The following PARP4 variants were observed in gnomAD, a reference collection of about 807,000 sequenced individuals.
PARP4 encodes protein mono-ADP-ribosyltransferase PARP4.
A neutral mutation model predicts 187.7 loss-of-function variants in PARP4; 120 were observed. The observed-to-expected ratio is 0.64, with a 90% CI of 0.55 to 0.74. PARP4 has a LOEUF of 0.74. PARP4 is among the 30% of genes least tolerant of loss of function. The pLI is 0.00. For synonymous variants in PARP4, 654 were observed against 740.9 expected (o/e 0.88, Z 1.90); for missense variants, 1,836 against 2,070.5 (o/e 0.89, Z 2.20).
At chr13:24,504,991 G>T (rs908824142) in intron 1 of PARP4, among the ~76,000 whole-genome samples, 1 of 146,408 alleles carries the variant, frequency 6.8e-6, no homozygotes, top group Non-Finnish European at 1.5e-5. Context: ...CACCGCACCT[G>T]GCACACCCCC....
At chr13:24,471,439 A>G (rs1267688861) in intron 15 of PARP4, among the ~76,000 whole-genome samples, 2 of 152,216 alleles carry the variant, frequency 1.3e-5, no homozygotes, top group Admixed American at 6.5e-5. Context: ...AACGACAATA[A>G]AAGTATTTTT....
intron 1 of PARP4, among the ~76,000 whole-genome samples, chr13:24,510,577 C>G (rs1287207096): frequency 7.8e-6 from 1 of 127,482 alleles, no homozygotes; most frequent in Non-Finnish European, 1.7e-5. Context: ...AAAAAGTGTT[C>G]ACTATTAGAA....
intron 17 of PARP4, among the ~76,000 whole-genome samples, chr13:24,460,962 C>T (rs924217008): frequency 3.9e-5 from 6 of 152,182 alleles, no homozygotes; most frequent in African/African-American, 7.2e-5. Flanking sequence ...CTACCACACC[C>T]AGCCTATCAT....
At chr13:24,479,149 A>G (rs1275206574) in intron 12 of PARP4, among the ~76,000 whole-genome samples, 2 of 152,204 alleles carry the variant, frequency 1.3e-5, no homozygotes, top group Admixed American at 1.3e-4. Context: ...AGGAGCACAG[A>G]CTAGGACACA....
rs575450726 is a variant in PARP4 at position 24,441,822 on chromosome 13, A to G, written c.3666+24T>C. ...ATGAAAAAACGAAAGCTCAATATCA[A>G]CTTATTCGGTAATCAGCATTTACCT... On this transcript the variant is annotated intron_variant, in intron 30 of 33. Coordinates refer to ENST00000381989, the MANE Select transcript of PARP4 (RefSeq NM_006437.4). 3.3e-5 allele frequency: 51 copies of G among 1,559,382 alleles called. 1 individual carries two copies. In the East Asian group the frequency reaches 1.1e-3, roughly 35 times the overall value.
chr13:24,508,184 C>CAA lies in PARP4; in HGVS notation c.-1-4409_-1-4408dup, dbSNP rs67281877. On this transcript the variant is annotated intron_variant, in intron 1 of 33. Coordinates refer to ENST00000381989, the MANE Select transcript of PARP4 (RefSeq NM_006437.4). ...ATCTCTGACAATTAAAAACAACACA[C>CAA]AAAAAAAAACACTAAAAGCCTTTAA... Among the ~76,000 whole-genome samples, 487 of 151,180 alleles carry CAA rather than the reference C, an allele frequency of 3.2e-3. 2 individuals carry two copies. The highest frequency in any genetic ancestry group is 0.011 in the African/African-American group (447 of 41,170).
Position 24,490,715 on chromosome 13 carries a change from A to G in PARP4, c.1167T>C (p.Thr389=), listed in dbSNP as rs781172797. The G allele has an allele frequency of 1.1e-5, 18 of 1,613,878 alleles. No individual in the cohort carries two copies. The highest frequency in any genetic ancestry group is 1.3e-5 in the African/African-American group (1 of 74,928). ...CTTTTCTAACCCTGAGAAATTCTTC[A>G]GTATTCTGTTCAACATGCTCAATTT... ...RCKIEHVEQN[T]EEFLRVRKEV... Residue 389 remains threonine, a synonymous_variant, in exon 10 of 34, where the codon ACT becomes ACC. Transcript: ENST00000381989.
chr13:24,471,357 C>T (rs546040112), intron 15 of PARP4, among the ~76,000 whole-genome samples: 4 of 152,286 alleles, frequency 2.6e-5, no homozygotes, highest in African/African-American at 4.8e-5. Flanking sequence ...GACATCAGGC[C>T]TGTGGCAGCT....
chr13:24,494,832 T>C (rs2076434018), intron 6 of PARP4, 110 bp from the exon 7 acceptor site: 2 of 681,046 alleles, frequency 2.9e-6, no homozygotes, highest in South Asian at 4.7e-5. Flanking sequence ...GAAATTAGTT[T>C]TTTTCAAAGA....
chr13:24,501,096 T>G (rs975272312), intron 3 of PARP4, among the ~76,000 whole-genome samples: 4 of 152,230 alleles, frequency 2.6e-5, no homozygotes, highest in African/African-American at 9.7e-5. Flanking sequence ...GTACGGTATC[T>G]AACACATACC....
chr13:24,497,094 G>A (rs967182914), intron 6 of PARP4, among the ~76,000 whole-genome samples: 60 of 152,176 alleles, frequency 3.9e-4, no homozygotes, highest in Admixed American at 3.6e-3. Context: ...CCTGGTGGGT[G>A]TTGCAGCATT....
At chr13:24,502,513 C>A (rs1869357988) in intron 2 of PARP4, among the ~76,000 whole-genome samples, 1 of 152,254 alleles carries the variant, frequency 6.6e-6, no homozygotes, top group Non-Finnish European at 1.5e-5. Context: ...AGATACATGG[C>A]AGCGTGCTCC....
intron 12 of PARP4, among the ~76,000 whole-genome samples, 197 bp from the exon 13 acceptor site, chr13:24,478,473 T>C (rs1016014191): frequency 6.6e-5 from 10 of 152,202 alleles, no homozygotes; most frequent in Admixed American, 4.6e-4. Context: ...TTTTGCTCTG[T>C]TACTCAGGCT....
In PARP4 at chr13:24,458,109, A is replaced by ATTT. The variant is rs1209906906; in HGVS notation, c.2424+932_2424+934dup. ...AACATGGTGAGACCCTGTCTCTACA[A>ATTT]TTTTTTTTTTTTTTTTTTGAGATGG... On this transcript the variant is annotated intron_variant, in intron 20 of 33. Transcript: ENST00000381989. Among the ~76,000 whole-genome samples, 11 of 139,320 alleles carry ATTT rather than the reference A, an allele frequency of 7.9e-5. No homozygotes were observed. In the South Asian group the frequency reaches 9.1e-4, roughly 12 times the overall value. The allele number at this position is 139,320 out of a possible 152,430, so 91.4% of individuals were successfully genotyped here. A position where few individuals can be genotyped will look rare whatever the true frequency, so the allele number is the denominator to read the frequency against.
Position 24,421,174 on chromosome 13 carries a change from T to C in PARP4, c.5120A>G (p.Gln1707Arg). Reference sequence around the variant, plus strand: ...AAGAGGGGACACAGTGCTTATGGGCTGGAGTCCCAGCAACTGCTTGGTGGC... The same window carrying C: ...AAGAGGGGACACAGTGCTTATGGGCCGGAGTCCCAGCAACTGCTTGGTGGC... The part of the protein sequence containing the change: ...DSATKQLLGL[Q>R]PISTVSPLHR... The change falls in exon 34 of 34, where the codon CAG becomes CGG. Residue 1707 changes from glutamine to arginine, a missense_variant. Coordinates refer to ENST00000381989, the MANE Select transcript of PARP4 (RefSeq NM_006437.4). 2 of 1,478,438 alleles carry C rather than the reference T, an allele frequency of 1.4e-6. No homozygotes were observed. The highest frequency in any genetic ancestry group is 1.8e-6 in the Non-Finnish European group (2 of 1,108,164). The allele number at this position is 1,478,438 out of a possible 1,614,324, so 91.6% of individuals were successfully genotyped here.
At position 24,469,978 on chromosome 13, in the gene PARP4, C is replaced by T; in HGVS notation, c.1962G>A (p.Glu654=). 1.9e-6 allele frequency: 3 copies of T among 1,613,784 alleles called. No individual in the cohort carries two copies. The highest frequency in any genetic ancestry group is 2.5e-6 in the Non-Finnish European group (3 of 1,179,774). The change falls in exon 16 of 34, where the codon GAG becomes GAA. Residue 654 remains glutamate (E), a synonymous_variant. Transcript: ENST00000381989. ...TYTNKSHVPI[E]AKYIFPLDDK... ...CATCCAAAGGAAAGATATATTTTGCCTCAATGGGCACGTGACTTTTATTTG... is the reference window on the plus strand; with the variant it reads ...CATCCAAAGGAAAGATATATTTTGCTTCAATGGGCACGTGACTTTTATTTG...
intron 1 of PARP4, among the ~76,000 whole-genome samples, chr13:24,505,417 G>A (rs1406992748): frequency 6.6e-6 from 1 of 152,126 alleles, no homozygotes; most frequent in African/African-American, 2.4e-5. Flanking sequence ...CCCTTATTCA[G>A]GTGGATGTCA....
At chr13:24,474,434 G>A (rs1440577111) in intron 15 of PARP4, among the ~76,000 whole-genome samples, 1 of 139,952 alleles carries the variant, frequency 7.1e-6, no homozygotes, top group African/African-American at 2.6e-5. Flanking sequence ...AAGACAAACT[G>A]CCTTAGCCAA....
chr13:24,449,270 A>C (rs2039946), intron 25 of PARP4, among the ~76,000 whole-genome samples: 138,382 of 151,366 alleles, frequency 0.91, 63,841 homozygotes, highest in East Asian at 0.99. Context: ...TGCCTGTAGT[A>C]CCAGCTAGTT....
Sources: allele counts gnomAD v4.1 joint callset (sites outside exome capture counted in the v4.1 genomes callset), GRCh38; gene constraint gnomAD v4.1.1; transcripts MANE v1.5; gene names NCBI Gene and HGNC (gene_info 2026-07-23, HGNC 2026-07-21).